Variants in LDLRAD3 observed in about 807,000 individuals in gnomAD.
LDLRAD3 encodes the protein low-density lipoprotein receptor class A domain-containing protein 3.
LDLRAD3 carries 20 observed loss-of-function variants against 29.4 expected under a neutral mutation model. The ratio of observed to expected loss-of-function variants is 0.68; its 90% CI spans 0.48 to 0.99. The LOEUF is 0.99. Among genes scored for constraint, LDLRAD3 ranks in the 50% least tolerant of loss-of-function variants. LDLRAD3 has a pLI of 0.00. For missense variants in LDLRAD3, 420 were observed against 454.3 expected (o/e 0.92, Z 0.69); for synonymous variants, 157 against 192.7 (o/e 0.81, Z 1.53).
intron 4 of LDLRAD3, among the ~76,000 whole-genome samples, chr11:36,212,831 G>A (rs1227671634): frequency 1.3e-5 from 2 of 152,126 alleles, no homozygotes; most frequent in African/African-American, 4.8e-5. Context: ...AGGGGCCATT[G>A]ATACCAGTTG....
chr11:36,098,505 C>G, intron 4 of LDLRAD3, 44 bp downstream of exon 4: 2 of 1,608,198 alleles, frequency 1.2e-6, no homozygotes, highest in Non-Finnish European at 1.7e-6. Flanking sequence ...CAACACAACA[C>G]TGCAGTAATG....
intron 2 of LDLRAD3, among the ~76,000 whole-genome samples, chr11:36,054,314 A>G (rs1852573385): frequency 6.6e-6 from 1 of 152,250 alleles, no homozygotes; most frequent in South Asian, 2.1e-4. Context: ...TAGGAGCAGC[A>G]TTGTATTTAC....
chr11:35,949,501 C>T lies in LDLRAD3; in HGVS notation c.46+5357C>T, dbSNP rs1169621453. Among the ~76,000 whole-genome samples, 3 of 152,172 alleles carry T rather than the reference C, an allele frequency of 2.0e-5. No homozygotes were observed. The East Asian group carries it at 5.8e-4, about 29-fold the overall frequency. On this transcript the variant is annotated intron_variant, in intron 1 of 5. Transcript: ENST00000315571. ...GCTCCCCTTTCCCTCCCCATAATTCCTTCTCCCTTGCCATCAAAAGGCCTT... is the reference window on the plus strand; with the variant it reads ...GCTCCCCTTTCCCTCCCCATAATTCTTTCTCCCTTGCCATCAAAAGGCCTT...
chr11:36,102,978 TC>T (rs1853472060), intron 4 of LDLRAD3, among the ~76,000 whole-genome samples: 1 of 152,172 alleles, frequency 6.6e-6, no homozygotes, highest in African/African-American at 2.4e-5. Flanking sequence ...TTGGCGTGTG[TC>T]AAAATTTGTC....
At chr11:36,215,526 C>T (rs371114291) in intron 4 of LDLRAD3, among the ~76,000 whole-genome samples, 3 of 152,086 alleles carry the variant, frequency 2.0e-5, no homozygotes, top group African/African-American at 4.8e-5. Context: ...CGTTTGGCAT[C>T]GGATATGTCT....
intron 1 of LDLRAD3, among the ~76,000 whole-genome samples, chr11:35,985,749 C>T (rs1446195298): frequency 2.0e-5 from 3 of 152,142 alleles, no homozygotes; most frequent in African/African-American, 7.2e-5. Context: ...GCTCTCTTGC[C>T]TGCCACCATG....
At chr11:36,147,525 C>T (rs1044389715) in intron 4 of LDLRAD3, among the ~76,000 whole-genome samples, 2 of 152,146 alleles carry the variant, frequency 1.3e-5, no homozygotes, top group Admixed American at 6.5e-5. Context: ...GCAGAGACCC[C>T]GTTTTCCAAA....
chr11:36,015,897 C>T (rs1852016700), intron 1 of LDLRAD3, among the ~76,000 whole-genome samples: 1 of 152,204 alleles, frequency 6.6e-6, no homozygotes, highest in South Asian at 2.1e-4. Flanking sequence ...ACTCTTGTTC[C>T]AGGCGCCCTT....
At chr11:36,193,175 C>G (rs554577058) in intron 4 of LDLRAD3, among the ~76,000 whole-genome samples, 11 of 152,156 alleles carry the variant, frequency 7.2e-5, no homozygotes, top group Non-Finnish European at 1.6e-4. Flanking sequence ...GCTGCATCCT[C>G]GAGAGTGTTG....
chr11:36,149,199 A>T (rs1188660375), intron 4 of LDLRAD3, among the ~76,000 whole-genome samples: 3 of 152,218 alleles, frequency 2.0e-5, no homozygotes, highest in African/African-American at 7.2e-5. Context: ...CCTTTCTGCA[A>T]GATTCTTGAG....
At chr11:36,100,126 G>A (rs1330400686) in intron 4 of LDLRAD3, among the ~76,000 whole-genome samples, 4 of 152,014 alleles carry the variant, frequency 2.6e-5, no homozygotes, top group East Asian at 1.9e-4. Flanking sequence ...ATCAACTGGC[G>A]GGAGTGGGCC....
chr11:36,002,157 C>G (rs529411776), intron 1 of LDLRAD3, among the ~76,000 whole-genome samples: 39 of 152,332 alleles, frequency 2.6e-4, no homozygotes, highest in Middle Eastern at 3.4e-3. Context: ...TAACTACTCC[C>G]TGCTTTTGGG....
At chr11:36,103,236 CTTTTT>C (rs3082245) in intron 4 of LDLRAD3, among the ~76,000 whole-genome samples, 2 of 123,914 alleles carry the variant, frequency 1.6e-5, no homozygotes, top group Non-Finnish European at 1.6e-5. Context: ...AGTATTTAAT[CTTTTT>C]TTTTTTTTTT....
intron 3 of LDLRAD3, among the ~76,000 whole-genome samples, chr11:36,086,404 T>G (rs1853196469): frequency 6.6e-6 from 1 of 152,146 alleles, no homozygotes; most frequent in South Asian, 2.1e-4. Flanking sequence ...TATATGTGTT[T>G]TTGTAGGTAA....
At chr11:35,991,026 C>A (rs1258634520) in intron 1 of LDLRAD3, among the ~76,000 whole-genome samples, 1 of 152,190 alleles carries the variant, frequency 6.6e-6, no homozygotes, top group Non-Finnish European at 1.5e-5. Flanking sequence ...GAGTGTTTGG[C>A]AGTGCCTATA....
chr11:36,016,842 C>T (rs1168409258), intron 1 of LDLRAD3, among the ~76,000 whole-genome samples: 2 of 152,178 alleles, frequency 1.3e-5, no homozygotes, highest in Non-Finnish European at 2.9e-5. Flanking sequence ...GCTATTCTTC[C>T]GTGTCAGTAC....
In LDLRAD3 at chr11:35,944,236, G is replaced by C; in HGVS notation, c.46+92G>C. On this transcript the variant is annotated intron_variant, in intron 1 of 5. Transcript: ENST00000315571. The surrounding 1 kb of genome is among the most constrained non-coding windows in gnomAD (Gnocchi z 4.9). ...CGGGTGCGATCGCGTCCTCTCCCGG[G>C]CGCGGGCCGCTCTCCGGGCGTGGGT... is the stretch of plus-strand genomic sequence containing the variant. 1 of 762,502 alleles carries C rather than the reference G, an allele frequency of 1.3e-6. No homozygotes were observed. Among genetic ancestry groups the C allele is most frequent in the Non-Finnish European group, 1.6e-6 (1 of 625,588 alleles). 47.2% of individuals were successfully genotyped at this position (762,502 alleles called of 1,614,324 possible).
intron 4 of LDLRAD3, among the ~76,000 whole-genome samples, chr11:36,149,367 T>A (rs559621257): frequency 6.6e-6 from 1 of 152,174 alleles, no homozygotes; most frequent in Admixed American, 6.5e-5. Context: ...AAGACCATCC[T>A]GGATAAAGTT....
Position 36,172,557 on chromosome 11 carries a change from T to C in LDLRAD3, c.455-54528T>C, listed in dbSNP as rs188168449. On this transcript the variant is annotated intron_variant, in intron 4 of 5. Transcript: ENST00000315571. ...AAAGGGATACTGGATTTTTGTCAAA[T>C]GCTTTTTCTGCATCTATTGAGATGA... is the stretch of plus-strand genomic sequence containing the variant. Among the ~76,000 whole-genome samples, 1,209 of 152,284 alleles carry C rather than the reference T, an allele frequency of 7.9e-3. 19 individuals are homozygous for C. The highest frequency in any genetic ancestry group is 0.028 in the African/African-American group (1,155 of 41,568).
Sources: allele counts gnomAD v4.1 joint callset (sites outside exome capture counted in the v4.1 genomes callset), GRCh38; gene constraint gnomAD v4.1.1; non-coding constraint Gnocchi (gnomAD v3.1); transcripts MANE v1.5; gene names NCBI Gene and HGNC (gene_info 2026-07-23, HGNC 2026-07-21).